The following TCF12 variants were observed in gnomAD, a reference collection of about 807,000 sequenced individuals.
The protein encoded by TCF12 is DNA-binding protein HTF4.
TCF12 carries 45 observed loss-of-function variants against 86.0 expected under a neutral mutation model. The ratio of observed to expected loss-of-function variants is 0.52; its 90% CI spans 0.41 to 0.67. The LOEUF (loss-of-function observed/expected upper bound fraction) is 0.67, where lower values mean the gene tolerates loss of function less well. TCF12 is among the 30% of genes least tolerant of loss of function. TCF12 has a pLI of 0.00. For synonymous variants in TCF12, 330 were observed against 299.6 expected (o/e 1.10, Z -1.05); for missense variants, 881 against 859.9 (o/e 1.02, Z -0.31).
At chr15:56,962,154 A>T (rs796259077) in intron 3 of TCF12, among the ~76,000 whole-genome samples, 45 of 105,594 alleles carry the variant, frequency 4.3e-4, no homozygotes, top group East Asian at 3.9e-3. Flanking sequence ...AAAAAAAAAA[A>T]ATATGTTTAA....
At chr15:57,011,559 T>A (rs1240760528) in intron 3 of TCF12, among the ~76,000 whole-genome samples, 1 of 152,156 alleles carries the variant, frequency 6.6e-6, no homozygotes, top group Non-Finnish European at 1.5e-5. Flanking sequence ...ATAAAAAAAC[T>A]GTGTTTTACA....
chr15:57,000,432 A>C (rs1213171168), intron 3 of TCF12, among the ~76,000 whole-genome samples: 1 of 152,166 alleles, frequency 6.6e-6, no homozygotes, highest in Admixed American at 6.5e-5. Flanking sequence ...ATCTCAAAAG[A>C]AAGTGTTTTA....
chr15:57,241,645 A>C (rs1452410026), intron 12 of TCF12, among the ~76,000 whole-genome samples: 1 of 152,204 alleles, frequency 6.6e-6, no homozygotes, highest in Non-Finnish European at 1.5e-5. Context: ...ATTTGTAGTC[A>C]AAGGAAGGTA....
chr15:57,054,265 C>T (rs1304255657), intron 3 of TCF12, among the ~76,000 whole-genome samples: 1 of 152,124 alleles, frequency 6.6e-6, no homozygotes, highest in African/African-American at 2.4e-5. Flanking sequence ...GCTCACACAG[C>T]TGTTTTTAAA....
chr15:57,047,307 C>A (rs1390570757), intron 3 of TCF12, among the ~76,000 whole-genome samples: 1 of 152,164 alleles, frequency 6.6e-6, no homozygotes, highest in Non-Finnish European at 1.5e-5. Flanking sequence ...GATTTTAGCC[C>A]TTCACTTGTA....
At chr15:57,223,642 G>GGTTTTTTTTTTTTTT (rs2058707433) in intron 8 of TCF12, among the ~76,000 whole-genome samples, 3 of 34,248 alleles carry the variant, frequency 8.8e-5, no homozygotes, top group Non-Finnish European at 9.5e-5. Context: ...CTACCAATGA[G>GGTTTTTTTTTTTTTT]GTTTTTTTTT....
In TCF12 at chr15:57,109,041, A is replaced by G. The variant is rs370759074; in HGVS notation, c.325+17150A>G. 3.9e-5 allele frequency among the ~76,000 whole-genome samples: 6 copies of G among 152,278 alleles called. No individual in the cohort carries two copies. The South Asian group carries it at 8.3e-4, about 21-fold the overall frequency. On this transcript the variant is annotated intron_variant, in intron 5 of 20. Transcript: ENST00000333725. ...TTTTTTTGTTTGTTTGTTTTCTTGTATATGTGAAATCTGAAGTAAAAATAA... is the reference window on the plus strand; with the variant it reads ...TTTTTTTGTTTGTTTGTTTTCTTGTGTATGTGAAATCTGAAGTAAAAATAA...
At chr15:56,981,408 G>A (rs73411294) in intron 3 of TCF12, among the ~76,000 whole-genome samples, 1,847 of 152,266 alleles carry the variant, frequency 0.012, 37 homozygotes, top group African/African-American at 0.042. Flanking sequence ...AAGAGCAGAA[G>A]CAAGAGAACA....
At chr15:57,102,047 A>C (rs1474673589) in intron 5 of TCF12, among the ~76,000 whole-genome samples, 1 of 149,734 alleles carries the variant, frequency 6.7e-6, no homozygotes, top group East Asian at 2.0e-4. Context: ...TAGCTACTTA[A>C]ACATGTAGGT....
At chr15:56,930,668 A>G (rs1165827276) in intron 3 of TCF12, among the ~76,000 whole-genome samples, 1 of 152,172 alleles carries the variant, frequency 6.6e-6, no homozygotes, top group Non-Finnish European at 1.5e-5. Flanking sequence ...GACTGTTCTA[A>G]GTATCCTTAA....
At chr15:57,107,810 A>G (rs2050235641) in intron 5 of TCF12, among the ~76,000 whole-genome samples, 1 of 152,106 alleles carries the variant, frequency 6.6e-6, no homozygotes, top group African/African-American at 2.4e-5. Flanking sequence ...CCAGAGGCTG[A>G]AGTTGGAGAA....
chr15:57,076,775 G>A (rs1261215386), intron 4 of TCF12, among the ~76,000 whole-genome samples: 3 of 152,150 alleles, frequency 2.0e-5, no homozygotes, highest in Non-Finnish European at 2.9e-5. Context: ...AAGTTAGGCA[G>A]TGTAAACATT....
intron 16 of TCF12, among the ~76,000 whole-genome samples, chr15:57,255,302 C>T (rs1427092567): frequency 6.6e-6 from 1 of 152,106 alleles, no homozygotes; most frequent in Non-Finnish European, 1.5e-5. Flanking sequence ...TGTAGTCCTC[C>T]AAAGCCACCT....
chr15:57,219,337 T>G (rs1015053716), intron 8 of TCF12: 42 of 1,235,064 alleles, frequency 3.4e-5, no homozygotes, highest in Non-Finnish European at 4.3e-5. Context: ...AGAGGTTACT[T>G]ACAGCATAAA....
chr15:57,027,360 G>A (rs2065884430), intron 3 of TCF12, among the ~76,000 whole-genome samples: 1 of 152,142 alleles, frequency 6.6e-6, no homozygotes, highest in African/African-American at 2.4e-5. Context: ...CTTTGACTCA[G>A]AATGTTTTCA....
At chr15:57,017,385 T>C (rs1466304693) in intron 3 of TCF12, among the ~76,000 whole-genome samples, 4 of 152,250 alleles carry the variant, frequency 2.6e-5, no homozygotes, top group African/African-American at 4.8e-5. Flanking sequence ...TTCTTGTAAA[T>C]GAAGATTTGT....
At chr15:56,977,831 A>G (rs2062688340) in intron 3 of TCF12, among the ~76,000 whole-genome samples, 1 of 152,170 alleles carries the variant, frequency 6.6e-6, no homozygotes, top group Admixed American at 6.5e-5. Flanking sequence ...TGTAGCACAT[A>G]TCAGAATCAC....
intron 3 of TCF12, among the ~76,000 whole-genome samples, chr15:56,958,182 C>T (rs2061579759): frequency 1.3e-5 from 2 of 152,184 alleles, no homozygotes; most frequent in Admixed American, 1.3e-4. Flanking sequence ...CCTGCCGACT[C>T]TATGAGATCC....
At chr15:57,002,902 A>G (rs1487471200) in intron 3 of TCF12, among the ~76,000 whole-genome samples, 1 of 152,224 alleles carries the variant, frequency 6.6e-6, no homozygotes. Context: ...TATCTGAGAA[A>G]AGAGGATCAC....
Sources: gnomAD v4.1 joint callset for allele counts (sites outside exome capture counted in the v4.1 genomes callset) on GRCh38, gnomAD v4.1.1 for gene constraint, MANE v1.5 for transcripts, NCBI Gene and HGNC (gene_info 2026-07-23, HGNC 2026-07-21) for gene names.